RBFOX1: variants seen among roughly 807,000 people sequenced by gnomAD.
RBFOX1 encodes the protein RNA binding protein fox-1 homolog 1.
In RBFOX1, 8 loss-of-function variants were observed where a neutral mutation model predicts 57.7. The ratio of observed to expected loss-of-function variants is 0.14; its 90% CI spans 0.08 to 0.25. RBFOX1 has a LOEUF of 0.25. RBFOX1 is among the 10% of genes least tolerant of loss of function. RBFOX1 has a pLI of 1.00. For missense variants in RBFOX1, 611 were observed against 548.5 expected (o/e 1.11, Z -1.14); for synonymous variants, 326 against 222.4 (o/e 1.47, Z -4.15).
chr16:7,379,267 G>A (rs561782836), intron 4 of RBFOX1, among the ~76,000 whole-genome samples: 1 of 152,256 alleles, frequency 6.6e-6, no homozygotes, highest in East Asian at 1.9e-4. Flanking sequence ...AGTTTCATTG[G>A]TAACTGTGCC....
chr16:6,866,651 C>G (rs1258552923), intron 3 of RBFOX1, among the ~76,000 whole-genome samples: 1 of 149,552 alleles, frequency 6.7e-6, no homozygotes, highest in Admixed American at 6.8e-5. Context: ...ACGCCATTCT[C>G]CTGCCTCAGC....
At chr16:6,356,998 G>A (rs2087445333) in intron 2 of RBFOX1, among the ~76,000 whole-genome samples, 1 of 152,028 alleles carries the variant, frequency 6.6e-6, no homozygotes, top group Admixed American at 6.6e-5. Context: ...CCCCTTCCCC[G>A]TGCCCTGGGC....
chr16:5,862,618 G>T (rs150271102), intron 3 of RBFOX1, among the ~76,000 whole-genome samples: 1 of 152,150 alleles, frequency 6.6e-6, no homozygotes, highest in Admixed American at 6.5e-5. Context: ...ATAGAGACCG[G>T]GTTCAGTTTA....
intron 3 of RBFOX1, among the ~76,000 whole-genome samples, chr16:7,041,402 T>G (rs963086177): frequency 1.3e-5 from 2 of 152,182 alleles, no homozygotes; most frequent in Non-Finnish European, 2.9e-5. Context: ...GAAAAAGTTT[T>G]TCAATTCCTA....
intron 3 of RBFOX1, among the ~76,000 whole-genome samples, chr16:5,810,905 A>G (rs2055400875): frequency 6.6e-6 from 1 of 152,198 alleles, no homozygotes; most frequent in South Asian, 2.1e-4. Context: ...AACTTCACAC[A>G]TATGAAGAGT....
At chr16:6,555,447 C>T (rs961205180) in intron 2 of RBFOX1, among the ~76,000 whole-genome samples, 1 of 152,158 alleles carries the variant, frequency 6.6e-6, no homozygotes, top group African/African-American at 2.4e-5. Context: ...CACCTGTAAT[C>T]CCAGCACTTT....
chr16:6,915,324 C>T (rs948729582), intron 3 of RBFOX1, among the ~76,000 whole-genome samples: 9 of 152,074 alleles, frequency 5.9e-5, no homozygotes, highest in Non-Finnish European at 7.4e-5. Context: ...GAGCTAACTG[C>T]GGTTCCTTTC....
chr16:7,149,014 C>A (rs780329958), intron 4 of RBFOX1, among the ~76,000 whole-genome samples: 1 of 152,206 alleles, frequency 6.6e-6, no homozygotes, highest in Non-Finnish European at 1.5e-5. Context: ...TTAGAGAATG[C>A]GTCAAGGGAA....
At chr16:5,716,936 G>A (rs977275785) in intron 3 of RBFOX1, among the ~76,000 whole-genome samples, 10 of 152,302 alleles carry the variant, frequency 6.6e-5, no homozygotes, top group South Asian at 2.1e-4. Context: ...TGGATTTGCT[G>A]ACTTCTGATA....
Position 6,444,803 on chromosome 16 carries a change from G to T in RBFOX1, c.-64+127746G>T, listed in dbSNP as rs138874532. Among the ~76,000 whole-genome samples, 16 of 152,320 alleles carry T rather than the reference G, an allele frequency of 1.1e-4. No individual in the cohort carries two copies. In the East Asian group the frequency reaches 3.1e-3, roughly 29 times the overall value. ...GGAGGAACCAAAACTGCTTTTGTTA[G>T]TGGGTAAAATGCAGAGATGACCTTC... On this transcript the variant is annotated intron_variant, in intron 2 of 15. Transcript: ENST00000550418.
chr16:7,202,476 A>G (rs555836851), intron 4 of RBFOX1, among the ~76,000 whole-genome samples: 15 of 152,222 alleles, frequency 9.9e-5, no homozygotes, highest in African/African-American at 3.1e-4. Flanking sequence ...CTTATTCTGG[A>G]TATATATTTA....
intron 14 of RBFOX1, among the ~76,000 whole-genome samples, chr16:7,692,097 C>T (rs939176518): frequency 1.3e-5 from 2 of 151,998 alleles, no homozygotes; most frequent in East Asian, 1.9e-4. Flanking sequence ...GAATCTGGGG[C>T]CAGATATTCA....
At chr16:7,556,332 C>G (rs2088469530) in intron 5 of RBFOX1, among the ~76,000 whole-genome samples, 1 of 152,160 alleles carries the variant, frequency 6.6e-6, no homozygotes. Context: ...TGCTTCCCCT[C>G]CATTTCATTA....
At chr16:6,511,376 C>T (rs2096252249) in intron 2 of RBFOX1, among the ~76,000 whole-genome samples, 1 of 152,136 alleles carries the variant, frequency 6.6e-6, no homozygotes, top group African/African-American at 2.4e-5. Flanking sequence ...AGAAATGAAT[C>T]CCTCTTGGTA....
intron 4 of RBFOX1, among the ~76,000 whole-genome samples, chr16:7,375,771 C>G (rs568040845): frequency 1.3e-5 from 2 of 152,098 alleles, no homozygotes; most frequent in Admixed American, 6.6e-5. Flanking sequence ...TCCTTTCCTA[C>G]TCTCTCTCCC....
chr16:6,365,107 T>A (rs1007429359), intron 2 of RBFOX1, among the ~76,000 whole-genome samples: 1 of 152,204 alleles, frequency 6.6e-6, no homozygotes, highest in Non-Finnish European at 1.5e-5. Flanking sequence ...AAAAAAGGTT[T>A]TGATAAAATT....
chr16:7,210,872 T>A (rs1389724648), intron 4 of RBFOX1, among the ~76,000 whole-genome samples: 1 of 151,934 alleles, frequency 6.6e-6, no homozygotes, highest in Non-Finnish European at 1.5e-5. Flanking sequence ...TGAATACTGG[T>A]AATTTGCCAA....
At chr16:5,476,025 A>G (rs1427362708) in intron 2 of RBFOX1, among the ~76,000 whole-genome samples, 3 of 152,080 alleles carry the variant, frequency 2.0e-5, no homozygotes, top group Non-Finnish European at 4.4e-5. Context: ...TATTTATACC[A>G]AGCAGCTCAT....
At chr16:5,810,159 A>G (rs2055369110) in intron 3 of RBFOX1, among the ~76,000 whole-genome samples, 1 of 135,240 alleles carries the variant, frequency 7.4e-6, no homozygotes, top group African/African-American at 2.7e-5. Flanking sequence ...GGAACATCAC[A>G]CTCTGGGGAC....
Sources: allele counts gnomAD v4.1 joint callset (sites outside exome capture counted in the v4.1 genomes callset), GRCh38; gene constraint gnomAD v4.1.1; transcripts MANE v1.5; gene names NCBI Gene and HGNC (gene_info 2026-07-23, HGNC 2026-07-21).